The following CTNND2 variants were observed in gnomAD, a reference collection of about 807,000 sequenced individuals.
The protein encoded by CTNND2 is catenin delta-2.
A neutral mutation model predicts 144.4 loss-of-function variants in CTNND2; 22 were observed. The ratio of observed to expected loss-of-function variants is 0.15; its 90% CI spans 0.11 to 0.22. The LOEUF (loss-of-function observed/expected upper bound fraction) is 0.22, where lower values mean the gene tolerates loss of function less well. Ranked by LOEUF, CTNND2 falls within the 10% of genes least tolerant of loss-of-function variation. CTNND2 has a pLI of 1.00. For synonymous variants in CTNND2, 751 were observed against 695.6 expected, an observed-to-expected ratio of 1.08 and a Z score of -1.25; for missense variants, 1,353 against 1,618.8, an observed-to-expected ratio of 0.84 and a Z score of 2.82.
chr5:11,448,426 C>T (rs31962), intron 3 of CTNND2, among the ~76,000 whole-genome samples: 16,639 of 151,944 alleles, frequency 0.11, 2,904 homozygotes, highest in African/African-American at 0.37. Flanking sequence ...AAGAAAAAAA[C>T]GACAGAGTAT....
intron 3 of CTNND2, among the ~76,000 whole-genome samples, chr5:11,420,759 C>T (rs138278803): frequency 2.7e-4 from 41 of 152,272 alleles, no homozygotes; most frequent in African/African-American, 9.9e-4. Context: ...CTCTGCCATG[C>T]AATTAGAATG....
Position 11,817,410 on chromosome 5 carries a change from GGAGAGAGAGAGAGAGAGA to G in CTNND2, c.38-85156_38-85139del, listed in dbSNP as rs1157713122. The stretch of plus-strand genomic sequence containing the variant: ...GGGGGGAGAGAGAGAGAGAGAGGAG[GGAGAGAGAGAGAGAGAGA>G]GAGAGAGAGAGAGAGAGAGAGAGAG... On this transcript the variant is annotated intron_variant, in intron 1 of 21. Transcript: ENST00000304623. 2.2e-3 allele frequency among the ~76,000 whole-genome samples: 49 copies of G among 22,352 alleles called. 1 individual carries two copies. Among genetic ancestry groups the G allele is most frequent in the African/African-American group, 9.0e-3 (38 of 4,202 alleles). The allele number at this position is 22,352 out of a possible 152,430, so 14.7% of individuals were successfully genotyped here.
At chr5:11,276,074 A>AAAC (rs1746491401) in intron 9 of CTNND2, among the ~76,000 whole-genome samples, 1 of 152,242 alleles carries the variant, frequency 6.6e-6, no homozygotes, top group East Asian at 1.9e-4. Flanking sequence ...TATTGATTTA[A>AAAC]AACAAATAAA....
At chr5:11,285,791 T>G (rs902923899) in intron 9 of CTNND2, among the ~76,000 whole-genome samples, 2 of 86,704 alleles carry the variant, frequency 2.3e-5, no homozygotes, top group Non-Finnish European at 5.3e-5. Context: ...CTGCTACCCA[T>G]AGGAACTAAG....
At chr5:11,558,344 G>GTGTGTA (rs1488506586) in intron 3 of CTNND2, among the ~76,000 whole-genome samples, 1 of 87,540 alleles carries the variant, frequency 1.1e-5, no homozygotes, top group African/African-American at 4.6e-5. Context: ...AGAAACACGT[G>GTGTGTA]TGTGTGTGTG....
intron 10 of CTNND2, among the ~76,000 whole-genome samples, chr5:11,208,651 A>G (rs149382715): frequency 0.015 from 2,299 of 152,262 alleles, 50 homozygotes; most frequent in Admixed American, 0.05. Flanking sequence ...TAAATTCCAG[A>G]TGGATTAGAA....
At chr5:10,996,923 TAA>T (rs1048521988) in intron 18 of CTNND2, among the ~76,000 whole-genome samples, 1 of 151,950 alleles carries the variant, frequency 6.6e-6, no homozygotes, top group Non-Finnish European at 1.5e-5. Flanking sequence ...AACCACAGGT[TAA>T]AGAGGGAAAA....
At chr5:11,767,624 C>A (rs1315066492) in intron 1 of CTNND2, among the ~76,000 whole-genome samples, 1 of 152,178 alleles carries the variant, frequency 6.6e-6, no homozygotes, top group East Asian at 1.9e-4. Flanking sequence ...CCTCCTTCAT[C>A]ATATTGAAAA....
At position 11,225,475 on chromosome 5, in the gene CTNND2, T is replaced by C. The variant is rs534864942; in HGVS notation, c.1761+11216A>G. On this transcript the variant is annotated intron_variant, in intron 10 of 21. Transcript: ENST00000304623. ...ACCCAGTGAATTTACCCATTTCCCATCTTCTTCAGAGATTCTCTTCCTCTT... is the reference window on the plus strand; with the variant it reads ...ACCCAGTGAATTTACCCATTTCCCACCTTCTTCAGAGATTCTCTTCCTCTT... Among the ~76,000 whole-genome samples, 3 of 152,332 alleles carry C rather than the reference T, an allele frequency of 2.0e-5. No individual in the cohort carries two copies. In the South Asian group the frequency reaches 6.2e-4, roughly 32 times the overall value.
chr5:11,472,240 C>T (rs892721204), intron 3 of CTNND2, among the ~76,000 whole-genome samples: 1 of 152,126 alleles, frequency 6.6e-6, no homozygotes. Context: ...TCTTTTATAG[C>T]CAATGAGATA....
intron 18 of CTNND2, among the ~76,000 whole-genome samples, chr5:10,994,325 T>C (rs1223826425): frequency 9.7e-5 from 1 of 10,282 alleles, no homozygotes; most frequent in East Asian, 3.0e-3. Flanking sequence ...GGGGCGGGGA[T>C]GGAGGAGCGG....
Position 11,641,763 on chromosome 5 carries a change from T to C in CTNND2, c.175-76707A>G, listed in dbSNP as rs187673580. Among the ~76,000 whole-genome samples, 72 of 148,690 alleles carry C rather than the reference T, an allele frequency of 4.8e-4. 1 individual carries two copies. Among genetic ancestry groups the C allele is most frequent in the African/African-American group, 1.5e-3 (58 of 39,700 alleles). On this transcript the variant is annotated intron_variant, in intron 2 of 21. Transcript: ENST00000304623. ...ACATATACGTGTGTATGTACATACA[T>C]ATACGTATATGTATGTACATACATA... is the stretch of plus-strand genomic sequence containing the variant.
chr5:11,815,598 A>C (rs1468371697), intron 1 of CTNND2, among the ~76,000 whole-genome samples: 1 of 152,310 alleles, frequency 6.6e-6, no homozygotes, highest in Non-Finnish European at 1.5e-5. Flanking sequence ...TAACTACTAC[A>C]CACTGTTGCA....
intron 9 of CTNND2, among the ~76,000 whole-genome samples, chr5:11,280,780 C>T (rs1747033417): frequency 6.6e-6 from 1 of 152,162 alleles, no homozygotes; most frequent in Non-Finnish European, 1.5e-5. Context: ...TGGGCCTCTT[C>T]CTTCCCCTAG....
intron 2 of CTNND2, among the ~76,000 whole-genome samples, chr5:11,664,870 T>C (rs1262651310): frequency 3.3e-5 from 5 of 152,172 alleles, no homozygotes; most frequent in Non-Finnish European, 7.4e-5. Flanking sequence ...CTCTTTATTG[T>C]TGGATTAAGT....
intron 9 of CTNND2, among the ~76,000 whole-genome samples, chr5:11,281,471 C>G (rs1444725488): frequency 6.6e-6 from 1 of 152,152 alleles, no homozygotes. Flanking sequence ...TGGCCAATGG[C>G]AAAAACTTGA....
intron 12 of CTNND2, among the ~76,000 whole-genome samples, chr5:11,145,068 C>T (rs905451599): frequency 7.2e-5 from 11 of 151,960 alleles, no homozygotes; most frequent in Middle Eastern, 3.2e-3. Flanking sequence ...GCTGTCACCT[C>T]GGTGCAACAT....
At chr5:11,891,152 A>G (rs2127097295) in intron 1 of CTNND2, among the ~76,000 whole-genome samples, 1 of 152,220 alleles carries the variant, frequency 6.6e-6, no homozygotes, top group African/African-American at 2.4e-5. Context: ...TTAAAAAGGA[A>G]CTCTGGAATG....
chr5:11,182,401 G>T (rs1471862177), intron 11 of CTNND2, among the ~76,000 whole-genome samples: 1 of 152,018 alleles, frequency 6.6e-6, no homozygotes, highest in Non-Finnish European at 1.5e-5. Context: ...ATATATGTCT[G>T]TGTGTGCAAG....
Sources: allele counts gnomAD v4.1 joint callset (sites outside exome capture counted in the v4.1 genomes callset), GRCh38; gene constraint gnomAD v4.1.1; transcripts MANE v1.5; gene names NCBI Gene and HGNC (gene_info 2026-07-23, HGNC 2026-07-21).